CDH23: variants seen among roughly 807,000 people sequenced by gnomAD.
CDH23 encodes cadherin-23.
CDH23 carries 189 observed loss-of-function variants against 317.1 expected under a neutral mutation model. That is an observed-to-expected ratio of 0.60 (90% CI 0.53 to 0.67). The LOEUF (loss-of-function observed/expected upper bound fraction) is 0.67, where lower values mean the gene tolerates loss of function less well. Among genes scored for constraint, CDH23 ranks in the 30% least tolerant of loss-of-function variants. The pLI, the probability that CDH23 is intolerant of heterozygous loss-of-function variation, is 0.00. For synonymous variants in CDH23, 1,839 were observed against 1,876.8 expected (o/e 0.98, Z 0.52); for missense variants, 4,401 against 4,592.4 (o/e 0.96, Z 1.20).
At chr10:71,593,459 GA>G (rs1309475636) in intron 9 of CDH23, among the ~76,000 whole-genome samples, 1 of 152,164 alleles carries the variant, frequency 6.6e-6, no homozygotes, top group Non-Finnish European at 1.5e-5. Flanking sequence ...TGCCATAGAA[GA>G]AAAATTGTTC....
intron 7 of CDH23, among the ~76,000 whole-genome samples, chr10:71,567,382 G>A (rs1305323452): frequency 6.6e-6 from 1 of 152,204 alleles, no homozygotes; most frequent in Non-Finnish European, 1.5e-5. Context: ...AACCTGCAGG[G>A]CCCAAAGGAG....
intron 6 of CDH23, among the ~76,000 whole-genome samples, chr10:71,540,345 T>G (rs1024095709): frequency 9.2e-5 from 14 of 152,154 alleles, no homozygotes; most frequent in Non-Finnish European, 1.5e-5. Flanking sequence ...GGTTATTCAG[T>G]GCATGGTGCT....
intron 6 of CDH23, 139 bp from the exon 7 acceptor site, chr10:71,566,603 C>T (rs1857413827): frequency 1.5e-6 from 1 of 660,130 alleles, no homozygotes; most frequent in South Asian, 4.8e-5. Context: ...ATTTTGGGGC[C>T]CCTCCTAGAA....
chr10:71,758,249 G>C (rs1840199092), intron 38 of CDH23, among the ~76,000 whole-genome samples: 1 of 152,208 alleles, frequency 6.6e-6, no homozygotes, highest in Non-Finnish European at 1.5e-5. Context: ...CCTTTGAGTT[G>C]GGTTTTGTTG....
chr10:71,748,531 T>C (rs1364182761), intron 38 of CDH23: 1 of 152,276 alleles, frequency 6.6e-6, no homozygotes, highest in Non-Finnish European at 1.5e-5. Context: ...AGGAAGTCTC[T>C]ATTAAACTGT....
chr10:71,815,474 A>C lies in CDH23; in HGVS notation c.*196A>C. 2 of 495,914 alleles carry C rather than the reference A, an allele frequency of 4.0e-6. No individual in the cohort carries two copies. Among genetic ancestry groups the C allele is most frequent in the Non-Finnish European group, 3.6e-6 (1 of 281,538 alleles). 30.7% of individuals were successfully genotyped at this position (495,914 alleles called of 1,614,324 possible). ...GACGCTCATTCAGCATCTGACCTCT[A>C]CCTTCATAAGATCTGTTATTTTTAT... On this transcript the variant is annotated 3_prime_UTR_variant, in exon 70 of 70. Transcript: ENST00000224721.
intron 9 of CDH23, among the ~76,000 whole-genome samples, chr10:71,596,849 T>A (rs1693011663): frequency 6.6e-6 from 1 of 152,142 alleles, no homozygotes. Context: ...CACTCCACAA[T>A]GCCCCTTGCC....
intron 24 of CDH23, among the ~76,000 whole-genome samples, chr10:71,704,097 C>T (rs74147033): frequency 8.6e-4 from 131 of 152,248 alleles, no homozygotes; most frequent in African/African-American, 3.1e-3. Flanking sequence ...AGTACTGAGC[C>T]CCCCGTCCTG....
In CDH23 at chr10:71,403,391, C is replaced by CTT. The variant is rs1491443391; in HGVS notation, c.-6+6075_-6+6076dup. Reference sequence around the variant, plus strand: ...TCTTTCTTTCTTTCTTTCTTTCTTTCTTTCTTTCTTTCTTTCTCTTCCTTC... The same window carrying CTT: ...TCTTTCTTTCTTTCTTTCTTTCTTTCTTTTTCTTTCTTTCTTTCTCTTCCTTC... On this transcript the variant is annotated intron_variant, in intron 1 of 69. Coordinates refer to ENST00000224721, the MANE Select transcript of CDH23 (RefSeq NM_022124.6). Among the ~76,000 whole-genome samples, 8 of 106,766 alleles carry CTT rather than the reference C, an allele frequency of 7.5e-5. 1 individual carries two copies. The highest frequency in any genetic ancestry group is 1.4e-4 in the Non-Finnish European group (8 of 55,758). The allele number at this position is 106,766 out of a possible 152,430, so 70.0% of individuals were successfully genotyped here. A position where few individuals can be genotyped will look rare whatever the true frequency, so the allele number is the denominator to read the frequency against.
rs374809846 is a variant in CDH23, at chr10:71,785,207, C to T, written c.5712+107C>T. The T allele has an allele frequency of 5.8e-6, 5 of 861,516 alleles. No homozygotes were observed. In the African/African-American group the frequency reaches 6.7e-5, roughly 12 times the overall value. The allele number at this position is 861,516 out of a possible 1,614,324, so 53.4% of individuals were successfully genotyped here. A position where few individuals can be genotyped will look rare whatever the true frequency, so the allele number is the denominator to read the frequency against. On this transcript the variant is annotated intron_variant, in intron 43 of 69. Transcript: ENST00000224721. The stretch of plus-strand genomic sequence containing the variant: ...CACCATCTGGGCTCCACCGGGCTCC[C>T]GTTCCTGCACTGGGATGAGGACACC...
At chr10:71,598,457 A>G (rs1479112679) in intron 9 of CDH23, among the ~76,000 whole-genome samples, 3 of 152,210 alleles carry the variant, frequency 2.0e-5, no homozygotes, top group Non-Finnish European at 2.9e-5. Context: ...AGGAGGGCCT[A>G]TGCCCAGAGT....
At chr10:71,806,029 T>TGGGGGGGGGGG in intron 56 of CDH23, 32 bp downstream of exon 56, 1 of 1,489,536 alleles carries the variant, frequency 6.7e-7, no homozygotes, top group Non-Finnish European at 9.1e-7. Flanking sequence ...AGGGGCGGGG[T>TGGGGGGGGGGG]CTGGGGCGGG....
At chr10:71,627,023 G>A (rs560232855) in intron 11 of CDH23, among the ~76,000 whole-genome samples, 1 of 152,122 alleles carries the variant, frequency 6.6e-6, no homozygotes. Flanking sequence ...TTTTGAAAAG[G>A]TTCTCTGGTG....
intron 9 of CDH23, among the ~76,000 whole-genome samples, chr10:71,597,988 G>A (rs1443959414): frequency 6.6e-6 from 1 of 152,208 alleles, no homozygotes; most frequent in South Asian, 2.1e-4. Flanking sequence ...CAGAGAGTAG[G>A]GGTTGGTGTG....
intron 6 of CDH23, among the ~76,000 whole-genome samples, chr10:71,520,849 C>T (rs1216955610): frequency 6.6e-6 from 1 of 152,162 alleles, no homozygotes; most frequent in Non-Finnish European, 1.5e-5. Flanking sequence ...GCCCCTGTGA[C>T]ATGGAGGCCC....
At chr10:71,511,074 G>A in intron 5 of CDH23, 46 bp from the exon 6 acceptor site, 1 of 1,612,082 alleles carries the variant, frequency 6.2e-7, no homozygotes, top group East Asian at 2.2e-5. Flanking sequence ...GGTGGAAGAG[G>A]CCAGAGTCAG....
chr10:71,479,214 C>G (rs1851944504), intron 3 of CDH23, among the ~76,000 whole-genome samples: 1 of 152,186 alleles, frequency 6.6e-6, no homozygotes, highest in South Asian at 2.1e-4. Context: ...AAACTCATAT[C>G]CAGACTGATT....
Position 71,702,044 on chromosome 10 carries a change from T to A in CDH23, c.2420T>A (p.Leu807Gln), listed in dbSNP as rs770375015. The change falls in exon 23 of 70, where the codon CTG (leucine) becomes CAG (glutamine). Residue 807 changes from leucine to glutamine, a missense_variant. Physicochemically the swap from Leu to Gln is moderately radical, Grantham distance 113 (BLOSUM62 -2). Transcript: ENST00000224721. ...CAGGTGGTGGCTGTTGACCCAGACC[T>A]GGGGGAGAATGGCACCCTGGTGTAC... ...VTTVVAVDPD[L>Q]GENGTLVYSI... The A allele has an allele frequency of 1.9e-6, 3 of 1,613,664 alleles. No individual in the cohort carries two copies. The Admixed American group carries it at 5.0e-5, about 27-fold the overall frequency.
intron 7 of CDH23, among the ~76,000 whole-genome samples, chr10:71,567,748 C>A (rs1045320543): frequency 6.6e-6 from 1 of 152,250 alleles, no homozygotes; most frequent in Admixed American, 6.5e-5. Flanking sequence ...TCCCCCTACC[C>A]GCCCCCTCTC....
Sources: allele counts gnomAD v4.1 joint callset (sites outside exome capture counted in the v4.1 genomes callset), GRCh38; gene constraint gnomAD v4.1.1; transcripts MANE v1.5; gene names NCBI Gene and HGNC (gene_info 2026-07-23, HGNC 2026-07-21).